Variants in PLEKHM2 observed in about 807,000 individuals in gnomAD.
The protein encoded by PLEKHM2 is pleckstrin homology and RUN domain containing M2, also known as pleckstrin homology domain-containing family M member 2.
In PLEKHM2, 77 loss-of-function variants were observed where a neutral mutation model predicts 116.3. The observed-to-expected ratio is 0.66, with a 90% CI of 0.55 to 0.80. The LOEUF is 0.80. Among genes scored for constraint, PLEKHM2 ranks in the 30% least tolerant of loss-of-function variants. The pLI is 0.00. For synonymous variants in PLEKHM2, 562 were observed against 571.0 expected, an observed-to-expected ratio of 0.98 and a Z score of 0.22; for missense variants, 1,183 against 1,354.9, an observed-to-expected ratio of 0.87 and a Z score of 1.99.
At chr1:15,730,098 G>T (rs1187044215) in intron 14 of PLEKHM2, among the ~76,000 whole-genome samples, 169 bp downstream of exon 14, 1 of 152,178 alleles carries the variant, frequency 6.6e-6, no homozygotes. Context: ...CCCTGGAAGG[G>T]AGGAAAGTCA....
intron 1 of PLEKHM2, among the ~76,000 whole-genome samples, chr1:15,693,630 A>G (rs1640931463): frequency 6.6e-6 from 1 of 152,246 alleles, no homozygotes; most frequent in African/African-American, 2.4e-5. Flanking sequence ...TCATTCTGCC[A>G]TTATGGCTAA....
chr1:15,685,599 G>T (rs1225569341), intron 1 of PLEKHM2, among the ~76,000 whole-genome samples: 1 of 151,264 alleles, frequency 6.6e-6, no homozygotes, highest in Non-Finnish European at 1.5e-5. Context: ...AATGGCTTGG[G>T]TGAGGGACTC....
chr1:15,687,918 C>T (rs1640806061), intron 1 of PLEKHM2, among the ~76,000 whole-genome samples: 1 of 152,162 alleles, frequency 6.6e-6, no homozygotes. Context: ...AAATGAGATG[C>T]ATATTTCTGC....
At chr1:15,724,288 T>G (rs1387167825) in intron 7 of PLEKHM2, among the ~76,000 whole-genome samples, 1 of 152,008 alleles carries the variant, frequency 6.6e-6, no homozygotes, top group Non-Finnish European at 1.5e-5. Context: ...ATCGAGACCA[T>G]CCTGGCCAAC....
intron 19 of PLEKHM2, 95 bp from the exon 20 acceptor site, chr1:15,733,702 G>A (rs910279900): frequency 1.2e-5 from 16 of 1,381,890 alleles, no homozygotes; most frequent in African/African-American, 7.3e-5. Flanking sequence ...CAGGGGCTCC[G>A]TGGCCAAGGC....
intron 1 of PLEKHM2, among the ~76,000 whole-genome samples, chr1:15,692,560 A>T (rs1487037963): frequency 6.6e-6 from 1 of 152,310 alleles, no homozygotes; most frequent in South Asian, 2.1e-4. Context: ...CTAGTGGAGA[A>T]GTGATAACTG....
chr1:15,684,763 G>T, intron 1 of PLEKHM2, 145 bp downstream of exon 1: 1 of 333,600 alleles, frequency 3.0e-6, no homozygotes. Context: ...CGGGCCGGTA[G>T]AGGGGAAGCG....
chr1:15,723,041 C>T lies in PLEKHM2; in HGVS notation c.712+1653C>T, dbSNP rs565211330. 5 of 152,232 alleles carry T rather than the reference C, an allele frequency of 3.3e-5. No homozygotes were observed. In the East Asian group the frequency reaches 7.8e-4, roughly 24 times the overall value. The allele number at this position is 152,232 out of a possible 1,614,324, so 9.4% of individuals were successfully genotyped here. A position where few individuals can be genotyped will look rare whatever the true frequency, so the allele number is the denominator to read the frequency against. Reference sequence around the variant, plus strand: ...CCTGAGCTCACTCTGGCAGCTCACCCGGGGAGGCTCTGTCTTCTCCTTGGA... The same window carrying T: ...CCTGAGCTCACTCTGGCAGCTCACCTGGGGAGGCTCTGTCTTCTCCTTGGA... On this transcript the variant is annotated intron_variant, in intron 7 of 19. Transcript: ENST00000375799.
chr1:15,718,420 GCCGT>G (rs1194649533), intron 4 of PLEKHM2, 114 bp from the exon 5 acceptor site: 1 of 676,080 alleles, frequency 1.5e-6, no homozygotes, highest in Non-Finnish European at 2.7e-6. Flanking sequence ...CAAGCTGGGT[GCCGT>G]CCAAGGTGGA....
chr1:15,698,914 A>G (rs1362891499), intron 1 of PLEKHM2, among the ~76,000 whole-genome samples: 2 of 152,114 alleles, frequency 1.3e-5, no homozygotes, highest in Non-Finnish European at 2.9e-5. Context: ...ATTGGTTCTT[A>G]TGCGGGGGTG....
rs191299065 is a variant in PLEKHM2, at chr1:15,694,380, C to A, written c.60+9762C>A. On this transcript the variant is annotated intron_variant, in intron 1 of 19. Coordinates refer to ENST00000375799, the MANE Select transcript of PLEKHM2 (RefSeq NM_015164.4). ...AAAACACAAAAAACAAACAAACAAA[C>A]AAAAAAACAGGTTTCTAAGCCTGGG... 3.7e-3 allele frequency among the ~76,000 whole-genome samples: 569 copies of A among 151,818 alleles called. 3 individuals carry two copies. Among genetic ancestry groups the A allele is most frequent in the African/African-American group, 0.013 (527 of 41,438 alleles).
At position 15,714,512 on chromosome 1, in the gene PLEKHM2, C is replaced by T. The variant is rs534555438; in HGVS notation, c.61-1725C>T. Among the ~76,000 whole-genome samples, 26 of 152,266 alleles carry T rather than the reference C, an allele frequency of 1.7e-4. No homozygotes were observed. The South Asian group carries it at 5.4e-3, about 32-fold the overall frequency. On this transcript the variant is annotated intron_variant, in intron 1 of 19. Transcript: ENST00000375799. ...TCTTTCCTTCTGGTGCTCTGATTTG[C>T]CTGCCTCTGGGAGGAAGGGAAGGGA...
intron 16 of PLEKHM2, 22 bp downstream of exon 16, chr1:15,731,279 G>A (rs2068139777): frequency 6.5e-7 from 1 of 1,541,564 alleles, no homozygotes; most frequent in South Asian, 1.2e-5. Context: ...GGGAGAAGCG[G>A]GTGTATCCTG....
In PLEKHM2 at chr1:15,733,116, G is replaced by A. The variant is rs904086349; in HGVS notation, c.2922+388G>A. Among the ~76,000 whole-genome samples the A allele has an allele frequency of 2.0e-5, 3 of 152,272 alleles. No homozygotes were observed. In the South Asian group the frequency reaches 6.2e-4, roughly 31 times the overall value. On this transcript the variant is annotated intron_variant, in intron 19 of 19. Transcript: ENST00000375799. ...GCCTTGGGTGATTGAGGGTGGCCTG[G>A]CAGGAGAGAGCTGTCTGGGGGCAGA...
In PLEKHM2 at chr1:15,728,232, C is replaced by G. The variant is rs763947390; in HGVS notation, c.1831-35C>G. Reference sequence around the variant, plus strand: ...ACCGCCCCCGCTGGAGCGGCAGGAGCCACCTGCCTGACCCTTGTCTGCTTC... The same window carrying G: ...ACCGCCCCCGCTGGAGCGGCAGGAGGCACCTGCCTGACCCTTGTCTGCTTC... On this transcript the variant is annotated intron_variant, in intron 10 of 19. Transcript: ENST00000375799. This position sits in a 1 kb window ranked among gnomAD's most constrained non-coding sequence, Gnocchi z 5.9. The G allele has an allele frequency of 6.2e-7, 1 of 1,601,306 alleles. No homozygotes were observed.
Position 15,716,360 on chromosome 1 carries a change from T to C in PLEKHM2, c.167+17T>C. 6.6e-7 allele frequency: 1 copy of C among 1,511,364 alleles called. No homozygotes were observed. The highest frequency in any genetic ancestry group is 9.1e-7 in the Non-Finnish European group (1 of 1,102,534). 93.6% of individuals were successfully genotyped at this position (1,511,364 alleles called of 1,614,324 possible). A position where few individuals can be genotyped will look rare whatever the true frequency, so the allele number is the denominator to read the frequency against. ...GCTGTACGGGTAAGGTGGAGGAAGT[T>C]TCCAAAGATGACGGAGCACAACCCA... is the stretch of plus-strand genomic sequence containing the variant. On this transcript the variant is annotated intron_variant, in intron 2 of 19. Transcript: ENST00000375799.
chr1:15,681,638 T>C (rs1240201841), upstream of PLEKHM2: 1 of 460,190 alleles, frequency 2.2e-6, no homozygotes, highest in East Asian at 6.8e-5. Context: ...GGGGCCTGTA[T>C]GCACCCTAGC....
chr1:15,698,618 G>T (rs528758733), intron 1 of PLEKHM2, among the ~76,000 whole-genome samples: 60 of 146,746 alleles, frequency 4.1e-4, no homozygotes, highest in African/African-American at 1.4e-3. Flanking sequence ...TGCAATCTTG[G>T]CTCACTGTAA....
At chr1:15,714,332 A>T (rs1641397617) in intron 1 of PLEKHM2, among the ~76,000 whole-genome samples, 1 of 138,074 alleles carries the variant, frequency 7.2e-6, no homozygotes. Flanking sequence ...TCTCAGATTT[A>T]CTCAGATTTT....
Sources: gnomAD v4.1 joint callset for allele counts (sites outside exome capture counted in the v4.1 genomes callset) on GRCh38, gnomAD v4.1.1 for gene constraint, Gnocchi (gnomAD v3.1) non-coding constraint, MANE v1.5 for transcripts, NCBI Gene and HGNC (gene_info 2026-07-23, HGNC 2026-07-21) for gene names.